NOS1: variants seen among roughly 807,000 people sequenced by gnomAD.
The protein encoded by NOS1 is NOS type I.
In NOS1, 51 loss-of-function variants were observed where a neutral mutation model predicts 164.5. That is an observed-to-expected ratio of 0.31 (90% CI 0.25 to 0.39). The LOEUF is 0.39. Ranked by LOEUF, NOS1 falls within the 10% of genes least tolerant of loss-of-function variation. The pLI is 1.00. For missense variants in NOS1, 1,362 were observed against 1,885.6 expected (o/e 0.72, Z 5.14); for synonymous variants, 719 against 745.8 (o/e 0.96, Z 0.59).
At chr12:117,337,919 A>C (rs1348175608) in intron 1 of NOS1, among the ~76,000 whole-genome samples, 1 of 152,100 alleles carries the variant, frequency 6.6e-6, no homozygotes, top group East Asian at 1.9e-4. Flanking sequence ...TTTCTACAAA[A>C]AACACAAAAA....
At chr12:117,256,115 A>G in intron 16 of NOS1, 3 of 711,554 alleles carry the variant, frequency 4.2e-6, no homozygotes, top group Non-Finnish European at 6.6e-6. Context: ...GCCATCTAGG[A>G]TGGGGTGGGA....
chr12:117,258,338 A>G, intron 16 of NOS1, 59 bp downstream of exon 16: 1 of 1,573,316 alleles, frequency 6.4e-7, no homozygotes, highest in Non-Finnish European at 8.7e-7. Flanking sequence ...AGGTGCCAAA[A>G]GTCAATGTCC....
chr12:117,278,669 T>C (rs1026375886), intron 8 of NOS1, among the ~76,000 whole-genome samples: 1 of 151,764 alleles, frequency 6.6e-6, no homozygotes, highest in South Asian at 2.1e-4. Context: ...AACTTTCTAG[T>C]AGCCACATTA....
intron 3 of NOS1, among the ~76,000 whole-genome samples, chr12:117,298,029 G>A (rs901024362): frequency 6.6e-6 from 1 of 152,010 alleles, no homozygotes; most frequent in Admixed American, 6.6e-5. Context: ...TCGGGGGCAT[G>A]TTCAGGATGA....
intron 3 of NOS1, among the ~76,000 whole-genome samples, chr12:117,305,790 C>CTT (rs1298358667): frequency 1.9e-4 from 27 of 139,484 alleles, no homozygotes; most frequent in East Asian, 2.1e-4. Flanking sequence ...AGGCCCGTGA[C>CTT]TTTTTTTTTT....
intron 20 of NOS1, among the ~76,000 whole-genome samples, chr12:117,239,387 G>C (rs561040344): frequency 3.9e-5 from 6 of 152,170 alleles, no homozygotes; most frequent in Non-Finnish European, 7.3e-5. Flanking sequence ...CTGACTTCTA[G>C]AACTTAGTGT....
rs997056394 is a variant in NOS1, at chr12:117,209,335, A to G, written c.*5974T>C. The stretch of plus-strand genomic sequence containing the variant: ...GGCCAGGAATGCTGCTCAGCTTCCT[A>G]CAGTACCCAAGACGGCCCCCACAAG... On this transcript the variant is annotated 3_prime_UTR_variant, in exon 29 of 29. Coordinates refer to ENST00000317775, the MANE Select transcript of NOS1 (RefSeq NM_000620.5). The G allele has an allele frequency of 3.1e-6, 3 of 965,102 alleles. No homozygotes were observed. The highest frequency in any genetic ancestry group is 3.5e-5 in the African/African-American group (2 of 56,820). The allele number at this position is 965,102 out of a possible 1,614,324, so 59.8% of individuals were successfully genotyped here. A position where few individuals can be genotyped will look rare whatever the true frequency, so the allele number is the denominator to read the frequency against.
At chr12:117,280,636 GTGA>G (rs1873563793) in intron 8 of NOS1, 86 bp downstream of exon 8, 7 of 1,356,122 alleles carry the variant, frequency 5.2e-6, no homozygotes, top group Non-Finnish European at 7.1e-6. Context: ...CGGATCTCCT[GTGA>G]TGATAGCATT....
chr12:117,342,257 G>A (rs1593037698), intron 1 of NOS1, among the ~76,000 whole-genome samples: 1 of 152,174 alleles, frequency 6.6e-6, no homozygotes, highest in Non-Finnish European at 1.5e-5. Flanking sequence ...TGGGATTACA[G>A]GGGTGGATAA....
At chr12:117,318,445 C>T (rs1451239057) in intron 2 of NOS1, among the ~76,000 whole-genome samples, 1 of 152,158 alleles carries the variant, frequency 6.6e-6, no homozygotes, top group Admixed American at 6.6e-5. Context: ...CAAGCATTTT[C>T]TATGCTTTCT....
At chr12:117,321,600 G>A (rs1226742725) in intron 2 of NOS1, among the ~76,000 whole-genome samples, 1 of 152,154 alleles carries the variant, frequency 6.6e-6, no homozygotes, top group African/African-American at 2.4e-5. Flanking sequence ...GGTGGATGGG[G>A]AGCTGCTTAC....
In NOS1 at chr12:117,209,031, G is replaced by GT; in HGVS notation, c.*6277dup. On this transcript the variant is annotated 3_prime_UTR_variant, in exon 29 of 29. Coordinates refer to ENST00000317775, the MANE Select transcript of NOS1 (RefSeq NM_000620.5). Reference sequence around the variant, plus strand: ...AGCCACCACGCCTGGCCTGGGAGGGGTTTTTGAAAGCATACTGCCCTCCCC... The same window carrying GT: ...AGCCACCACGCCTGGCCTGGGAGGGGTTTTTTGAAAGCATACTGCCCTCCCC... The GT allele has an allele frequency of 3.0e-6, 3 of 985,286 alleles. No individual in the cohort carries two copies. Among genetic ancestry groups the GT allele is most frequent in the Non-Finnish European group, 3.6e-6 (3 of 829,894 alleles). The allele number at this position is 985,286 out of a possible 1,614,324, so 61.0% of individuals were successfully genotyped here.
intron 22 of NOS1, among the ~76,000 whole-genome samples, chr12:117,229,119 T>C (rs1367756077): frequency 1.3e-5 from 2 of 152,190 alleles, no homozygotes; most frequent in Non-Finnish European, 2.9e-5. Flanking sequence ...ATCCTTGACA[T>C]TGTGCTTCTC....
At position 117,272,297 on chromosome 12, in the gene NOS1, C is replaced by T; in HGVS notation, c.1839+88G>A. The T allele has an allele frequency of 1.4e-6, 2 of 1,471,424 alleles. No homozygotes were observed. Among genetic ancestry groups the T allele is most frequent in the Admixed American group, 1.8e-5 (1 of 54,224 alleles). The allele number at this position is 1,471,424 out of a possible 1,614,324, so 91.1% of individuals were successfully genotyped here. A position where few individuals can be genotyped will look rare whatever the true frequency, so the allele number is the denominator to read the frequency against. ...TTCTAACCCCTTCAAGTTTCCAAGC[C>T]ACCAAGCTCGCCGTGGGGAAGGGGA... On this transcript the variant is annotated intron_variant, in intron 10 of 28. Coordinates refer to ENST00000317775, the MANE Select transcript of NOS1 (RefSeq NM_000620.5). This position sits in a 1 kb window ranked among gnomAD's most constrained non-coding sequence, Gnocchi z 4.3.
intron 1 of NOS1, among the ~76,000 whole-genome samples, chr12:117,340,297 C>T (rs1876035969): frequency 6.6e-6 from 1 of 152,144 alleles, no homozygotes; most frequent in Non-Finnish European, 1.5e-5. Flanking sequence ...AACCACTGTG[C>T]CTGGACTAAA....
chr12:117,277,170 G>A (rs369516571), intron 9 of NOS1, among the ~76,000 whole-genome samples: 1 of 152,054 alleles, frequency 6.6e-6, no homozygotes, highest in Non-Finnish European at 1.5e-5. Flanking sequence ...TTTCGGATAA[G>A]CCATTGTAAC....
intron 3 of NOS1, among the ~76,000 whole-genome samples, chr12:117,294,989 C>T (rs998757249): frequency 1.3e-5 from 2 of 152,172 alleles, no homozygotes; most frequent in African/African-American, 2.4e-5. Flanking sequence ...CAGGGAGGTG[C>T]GGTCACGTCA....
intron 22 of NOS1, 135 bp downstream of exon 22, chr12:117,231,827 C>T (rs1182023081): frequency 8.5e-6 from 8 of 945,318 alleles, no homozygotes; most frequent in Non-Finnish European, 1.3e-5. Context: ...GCCAATATGG[C>T]AATCTACAGC....
Position 117,214,023 on chromosome 12 carries a change from C to A in NOS1, c.*1286G>T. 1 of 985,304 alleles carries A rather than the reference C, an allele frequency of 1.0e-6. No homozygotes were observed. Among genetic ancestry groups the A allele is most frequent in the South Asian group, 4.7e-5 (1 of 21,280 alleles). The allele number at this position is 985,304 out of a possible 1,614,324, so 61.0% of individuals were successfully genotyped here. ...TTAACAGGTTTAAAACTTTGGAGAT[C>A]AACTGCAGAGGGCAACAAGCCTGAG... On this transcript the variant is annotated 3_prime_UTR_variant, in exon 29 of 29. Transcript: ENST00000317775.
Sources: gnomAD v4.1 joint callset for allele counts (sites outside exome capture counted in the v4.1 genomes callset) on GRCh38, gnomAD v4.1.1 for gene constraint, Gnocchi (gnomAD v3.1) non-coding constraint, MANE v1.5 for transcripts, NCBI Gene and HGNC (gene_info 2026-07-23, HGNC 2026-07-21) for gene names.